The following SKI variants were observed in gnomAD, a reference collection of about 807,000 sequenced individuals.
SKI encodes ski oncogene.
Under a neutral mutation model 59.3 loss-of-function variants are expected in SKI, and 23 were observed. The observed-to-expected ratio is 0.39, with a 90% CI of 0.28 to 0.55. The LOEUF is 0.55. SKI is among the 20% of genes least tolerant of loss of function. SKI has a pLI of 0.67. For synonymous variants in SKI, 673 were observed against 488.6 expected (o/e 1.38, Z -4.98); for missense variants, 1,017 against 1,038.9 (o/e 0.98, Z 0.29).
At chr1:2,304,229 T>C (rs1339398398) in intron 4 of SKI, 64 bp from the exon 5 acceptor site, 3 of 1,553,622 alleles carry the variant, frequency 1.9e-6, no homozygotes, top group African/African-American at 1.4e-5. Context: ...GAGCGGCGCG[T>C]CTCCCTGGTG....
At chr1:2,235,968 C>T (rs986332772) in intron 1 of SKI, among the ~76,000 whole-genome samples, 1 of 152,184 alleles carries the variant, frequency 6.6e-6, no homozygotes, top group African/African-American at 2.4e-5. Context: ...CTTTGAGAGG[C>T]GTCTCGGCGT....
At position 2,306,723 on chromosome 1, in the gene SKI, C is replaced by G. The variant is rs1332907901; in HGVS notation, c.2145C>G (p.Pro715=). ...LQEQLWPRAR[P]EAAGSEGAAE... ...AACAGCTGTGGCCGCGGGCCCGCCC[C>G]GAGGCTGCGGGCAGCGAGGGCGCTG... is the stretch of plus-strand genomic sequence containing the variant. The change falls in exon 7 of 7, where the codon CCC becomes CCG. Residue 715 remains proline (P), a synonymous_variant. Coordinates refer to ENST00000378536, the MANE Select transcript of SKI (RefSeq NM_003036.4). 2 of 1,533,690 alleles carry G rather than the reference C, an allele frequency of 1.3e-6. No individual in the cohort carries two copies. Among genetic ancestry groups the G allele is most frequent in the Non-Finnish European group, 1.8e-6 (2 of 1,141,694 alleles).
intron 1 of SKI, among the ~76,000 whole-genome samples, chr1:2,277,743 T>C (rs549414204): frequency 3.1e-4 from 42 of 134,374 alleles, no homozygotes; most frequent in Non-Finnish European, 5.0e-4. Context: ...ACACCTGCAC[T>C]CACACATTCA....
At chr1:2,294,271 C>T (rs1355859450) in intron 1 of SKI, among the ~76,000 whole-genome samples, 9 of 152,306 alleles carry the variant, frequency 5.9e-5, no homozygotes, top group South Asian at 4.1e-4. Context: ...GGCCTGATGC[C>T]GGGCAGGGCG....
At chr1:2,231,551 C>G (rs1638638262) in intron 1 of SKI, among the ~76,000 whole-genome samples, 1 of 152,212 alleles carries the variant, frequency 6.6e-6, no homozygotes, top group Non-Finnish European at 1.5e-5. Flanking sequence ...TAGAGACAGG[C>G]CAGACAGGCT....
rs374474967 is a variant in SKI at position 2,308,053 on chromosome 1, C to A, written c.*1288C>A. 6.6e-6 allele frequency: 1 copy of A among 152,402 alleles called. No individual in the cohort carries two copies. 9.4% of individuals were successfully genotyped at this position (152,402 alleles called of 1,614,324 possible). On this transcript the variant is annotated 3_prime_UTR_variant, in exon 7 of 7. Transcript: ENST00000378536. ...TTCCAAATAATCTCGTTTACTCTCA[C>A]CTGTTTATGCAAATTGTATAAGGTT...
chr1:2,274,425 C>T (rs1639697841), intron 1 of SKI, among the ~76,000 whole-genome samples: 1 of 152,088 alleles, frequency 6.6e-6, no homozygotes. Flanking sequence ...GTGCAGTTCC[C>T]CGTGGGCGCC....
At position 2,307,016 on chromosome 1, in the gene SKI, G is replaced by A. The variant is rs904748586; in HGVS notation, c.*251G>A. ...ACGGGGCCAGCTCGGCGGCCTGCTG[G>A]TCCTCTGCTTGCTGGAACATTCTAA... On this transcript the variant is annotated 3_prime_UTR_variant, in exon 7 of 7. Coordinates refer to ENST00000378536, the MANE Select transcript of SKI (RefSeq NM_003036.4). 2 of 298,848 alleles carry A rather than the reference G, an allele frequency of 6.7e-6. No homozygotes were observed. The highest frequency in any genetic ancestry group is 2.2e-5 in the African/African-American group (1 of 44,448). The allele number at this position is 298,848 out of a possible 1,614,324, so 18.5% of individuals were successfully genotyped here.
chr1:2,257,064 A>T (rs998984154), intron 1 of SKI, among the ~76,000 whole-genome samples: 1 of 152,218 alleles, frequency 6.6e-6, no homozygotes, highest in African/African-American at 2.4e-5. Context: ...CCGCCTTATC[A>T]TGAGCACTTT....
intron 1 of SKI, among the ~76,000 whole-genome samples, chr1:2,293,371 G>A (rs1640208394): frequency 6.6e-6 from 1 of 152,054 alleles, no homozygotes; most frequent in African/African-American, 2.4e-5. Context: ...GGAAGGTCCA[G>A]CCGAGGGTTG....
At position 2,304,004 on chromosome 1, in the gene SKI, T is replaced by C; in HGVS notation, c.1376T>C (p.Val459Ala). 1 of 1,612,538 alleles carries C rather than the reference T, an allele frequency of 6.2e-7. No homozygotes were observed. The highest frequency in any genetic ancestry group is 1.1e-5 in the South Asian group (1 of 91,082). ...CAGCCTCGGAAGCGGAAGCTGACTG[T>C]GGACACCCCAGGAGCCCCAGAGACG... ...CTQPRKRKLT[V>A]DTPGAPETLA... The change falls in exon 4 of 7, where the codon GTG (valine) becomes GCG (alanine). Residue 459 changes from valine (V) to alanine (A), a missense_variant. Val to Ala is a moderately conservative substitution (Grantham distance 64, BLOSUM62 0). Transcript: ENST00000378536.
rs1005617976 is a variant in SKI at position 2,302,776 on chromosome 1, C to T, written c.970-202C>T. On this transcript the variant is annotated intron_variant, in intron 1 of 6. Transcript: ENST00000378536. ...GTCCCTCAGCACAGCCTCCACGTGC[C>T]TGTTGCGCGTGGCCTAAGGGCCTTT... Among the ~76,000 whole-genome samples the T allele has an allele frequency of 5.3e-5, 8 of 152,202 alleles. 1 individual carries two copies. The highest frequency in any genetic ancestry group is 5.2e-4 in the Admixed American group (8 of 15,290).
intron 1 of SKI, among the ~76,000 whole-genome samples, chr1:2,266,256 G>GGGTGAC (rs1314521974): frequency 6.6e-6 from 1 of 152,120 alleles, no homozygotes; most frequent in Non-Finnish European, 1.5e-5. Context: ...AAATCTTTGT[G>GGGTGAC]GGTGACTCTT....
At chr1:2,236,307 A>G (rs562654247) in intron 1 of SKI, among the ~76,000 whole-genome samples, 1 of 152,268 alleles carries the variant, frequency 6.6e-6, no homozygotes, top group South Asian at 2.1e-4. Flanking sequence ...TCAATAACTC[A>G]CTGAATGACT....
chr1:2,229,420 C>T lies in SKI; in HGVS notation c.654C>T (p.Val218=), dbSNP rs1364366158. The change falls in exon 1 of 7, where the codon GTC becomes GTT. Residue 218 remains valine (V), a synonymous_variant. Coordinates refer to ENST00000378536, the MANE Select transcript of SKI (RefSeq NM_003036.4). The surrounding 1 kb of genome is among the most constrained non-coding windows in gnomAD (Gnocchi z 6.3). ...GCCTGGAGCTCAGCGAGCGCAGCGT[C>T]CGCGTGTACCACGAGTGCTTCGGCA... ...ALGLELSERS[V]RVYHECFGKC... The T allele has an allele frequency of 9.3e-6, 15 of 1,611,088 alleles. No homozygotes were observed. The highest frequency in any genetic ancestry group is 1.3e-5 in the Non-Finnish European group (15 of 1,179,174).
At chr1:2,280,300 C>T (rs547027928) in intron 1 of SKI, among the ~76,000 whole-genome samples, 48 of 151,582 alleles carry the variant, frequency 3.2e-4, no homozygotes, top group Admixed American at 4.6e-4. Flanking sequence ...CGCTTGACCC[C>T]GGGAGGCGGA....
At chr1:2,245,384 G>T (rs1638970797) in intron 1 of SKI, among the ~76,000 whole-genome samples, 1 of 152,228 alleles carries the variant, frequency 6.6e-6, no homozygotes, top group African/African-American at 2.4e-5. Context: ...GCTGCTGTGA[G>T]CACGGGTGCA....
In SKI at chr1:2,306,038, G is replaced by C. The variant is rs774196267; in HGVS notation, c.1786G>C (p.Val596Leu). The change falls in exon 6 of 7, where the codon GTG becomes CTG. Residue 596 changes from valine (V) to leucine (L), a missense_variant. Coordinates refer to ENST00000378536, the MANE Select transcript of SKI (RefSeq NM_003036.4). ...SLHQELEFLRVAKKEKLREAT... is the reference protein window; with the variant it reads ...SLHQELEFLRLAKKEKLREAT... ...CCCCCAGGAGCTGGAGTTCCTACGC[G>C]TGGCCAAGAAGGAGAAGCTGCGGGA... The C allele has an allele frequency of 2.5e-6, 4 of 1,589,746 alleles. No homozygotes were observed. The highest frequency in any genetic ancestry group is 1.8e-5 in the Admixed American group (1 of 55,440).
chr1:2,288,144 A>G (rs1640085041), intron 1 of SKI, among the ~76,000 whole-genome samples: 1 of 152,004 alleles, frequency 6.6e-6, no homozygotes, highest in South Asian at 2.1e-4. Context: ...GTGTGCCACC[A>G]CGCCTGGCTA....
Sources: allele counts gnomAD v4.1 joint callset (sites outside exome capture counted in the v4.1 genomes callset), GRCh38; gene constraint gnomAD v4.1.1; non-coding constraint Gnocchi (gnomAD v3.1); transcripts MANE v1.5; gene names NCBI Gene and HGNC (gene_info 2026-07-23, HGNC 2026-07-21).